DNAH8: variants seen among roughly 807,000 people sequenced by gnomAD.
DNAH8 encodes the protein dynein axonemal heavy chain 8, also known as axonemal beta dynein heavy chain 8.
In DNAH8, 382 loss-of-function variants were observed where a neutral mutation model predicts 562.1. The ratio of observed to expected loss-of-function variants is 0.68; its 90% CI spans 0.63 to 0.74. The LOEUF is 0.74. Ranked by LOEUF, DNAH8 falls within the 30% of genes least tolerant of loss-of-function variation. The pLI is 0.00. For synonymous variants in DNAH8, 1,881 were observed against 1,919.4 expected (o/e 0.98, Z 0.52); for missense variants, 5,203 against 5,620.4 (o/e 0.93, Z 2.37).
chr6:38,990,890 G>A (rs371403097), intron 88 of DNAH8, among the ~76,000 whole-genome samples: 2 of 152,198 alleles, frequency 1.3e-5, no homozygotes, highest in Admixed American at 6.5e-5. Context: ...GGAATGGACC[G>A]CATGTCCTCT....
At chr6:38,860,396 T>C in intron 42 of DNAH8, 61 bp from the exon 43 acceptor site, 6 of 992,102 alleles carry the variant, frequency 6.0e-6, no homozygotes, top group Non-Finnish European at 8.2e-6. Context: ...ACTGCCCACA[T>C]GCTTATGTTT....
intron 91 of DNAH8, among the ~76,000 whole-genome samples, chr6:39,024,772 T>C (rs1045848056): frequency 1.3e-5 from 2 of 152,250 alleles, no homozygotes; most frequent in African/African-American, 4.8e-5. Flanking sequence ...AAACTTCCAC[T>C]ACATTTCCTG....
intron 76 of DNAH8, among the ~76,000 whole-genome samples, 185 bp from the exon 77 acceptor site, chr6:38,935,407 A>T (rs1384260901): frequency 1.3e-5 from 2 of 152,194 alleles, no homozygotes; most frequent in South Asian, 2.1e-4. Flanking sequence ...GCATAATTTT[A>T]AAAAAATTTC....
At chr6:39,018,399 C>T (rs999151550) in intron 91 of DNAH8, among the ~76,000 whole-genome samples, 2 of 152,196 alleles carry the variant, frequency 1.3e-5, no homozygotes, top group African/African-American at 2.4e-5. Flanking sequence ...TGAAAACTCT[C>T]ATGCCTTGGT....
At chr6:38,947,171 C>T (rs1761500481) in intron 80 of DNAH8, among the ~76,000 whole-genome samples, 1 of 152,194 alleles carries the variant, frequency 6.6e-6, no homozygotes, top group Non-Finnish European at 1.5e-5. Context: ...CTTCCCATGC[C>T]ATCATGAGTT....
chr6:38,997,622 A>C (rs1478647371), intron 88 of DNAH8, among the ~76,000 whole-genome samples: 1 of 152,180 alleles, frequency 6.6e-6, no homozygotes, highest in East Asian at 1.9e-4. Flanking sequence ...GTGCAGAGAT[A>C]ACAGCTTCAG....
At chr6:38,794,445 G>A (rs1205273385) in intron 21 of DNAH8, among the ~76,000 whole-genome samples, 2 of 151,978 alleles carry the variant, frequency 1.3e-5, no homozygotes, top group African/African-American at 2.4e-5. Flanking sequence ...AATTTTAAGT[G>A]CACCATTCAA....
intron 91 of DNAH8, among the ~76,000 whole-genome samples, chr6:39,021,152 A>C (rs973491447): frequency 6.6e-6 from 1 of 152,176 alleles, no homozygotes; most frequent in African/African-American, 2.4e-5. Context: ...TGGTGGCAAT[A>C]AATTTTCTGA....
chr6:38,921,212 C>A (rs1322470164), intron 70 of DNAH8, among the ~76,000 whole-genome samples, 157 bp from the exon 71 acceptor site: 1 of 152,140 alleles, frequency 6.6e-6, no homozygotes. Context: ...TAATGAAATA[C>A]CCTCCAAGAC....
chr6:38,794,484 A>C (rs902609486), intron 21 of DNAH8, among the ~76,000 whole-genome samples: 2 of 152,226 alleles, frequency 1.3e-5, no homozygotes, highest in Admixed American at 1.3e-4. Context: ...ACACCCTTGT[A>C]ACTGTCTCCA....
chr6:38,882,906 A>G lies in DNAH8; in HGVS notation c.7859-4A>G, dbSNP rs760848402. Reference sequence around the variant, plus strand: ...ATTAAGATGAAATTTTACTTATTATATAGGTGATTGGGAGCACTGGAATAA... The same window carrying G: ...ATTAAGATGAAATTTTACTTATTATGTAGGTGATTGGGAGCACTGGAATAA... On this transcript the variant is annotated splice_polypyrimidine_tract_variant and splice_region_variant and intron_variant, in intron 53 of 92. Coordinates refer to ENST00000327475, the MANE Select transcript of DNAH8 (RefSeq NM_001206927.2). 2.6e-6 allele frequency: 4 copies of G among 1,554,012 alleles called. No homozygotes were observed. Among genetic ancestry groups the G allele is most frequent in the East Asian group, 2.3e-5 (1 of 43,138 alleles).
At position 38,896,226 on chromosome 6, in the gene DNAH8, G is replaced by T; in HGVS notation, c.8940+1G>T. On this transcript the variant is annotated splice_donor_variant, in intron 60 of 92. Coordinates refer to ENST00000327475, the MANE Select transcript of DNAH8 (RefSeq NM_001206927.2). LOFTEE classifies it high-confidence loss of function. ...TGAAGTACCCAAAATATATGAATTGGTATTTATTTTCATCTCTTAAAAGAG... is the reference window on the plus strand; with the variant it reads ...TGAAGTACCCAAAATATATGAATTGTTATTTATTTTCATCTCTTAAAAGAG... 1 of 1,610,366 alleles carries T rather than the reference G, an allele frequency of 6.2e-7. No homozygotes were observed. The highest frequency in any genetic ancestry group is 8.5e-7 in the Non-Finnish European group (1 of 1,177,480).
intron 88 of DNAH8, among the ~76,000 whole-genome samples, chr6:39,007,907 C>T (rs114092542): frequency 0.012 from 1,795 of 151,154 alleles, 33 homozygotes; most frequent in African/African-American, 0.04. Context: ...CAAACACATA[C>T]ACACACACAG....
intron 4 of DNAH8, among the ~76,000 whole-genome samples, chr6:38,732,151 A>G (rs1359349446): frequency 6.6e-6 from 1 of 152,200 alleles, no homozygotes; most frequent in Non-Finnish European, 1.5e-5. Context: ...CTGTGTCATT[A>G]CGTAAAGATT....
At position 38,815,613 on chromosome 6, in the gene DNAH8, A is replaced by G. The variant is rs1400825356; in HGVS notation, c.3479A>G (p.Asp1160Gly). The change falls in exon 26 of 93, where the codon GAC becomes GGC. Residue 1160 changes from aspartate (D) to glycine (G), a missense_variant. By Grantham distance (94) the Asp-to-Gly change is moderately conservative (BLOSUM62 -1). Transcript: ENST00000327475. ...GTCATTCCCAGCCCCACCACTACTG[A>G]CGTGACCCATCAAAACACAGGAAAA... ...KSVIPSPTTT[D>G]VTHQNTGKLL... 9.9e-6 allele frequency: 16 copies of G among 1,613,804 alleles called. No homozygotes were observed. In the East Asian group the frequency reaches 3.6e-4, roughly 36 times the overall value.
At chr6:38,805,349 G>A (rs557962191) in intron 22 of DNAH8, 132 bp from the exon 23 acceptor site, 21 of 615,348 alleles carry the variant, frequency 3.4e-5, no homozygotes, top group South Asian at 1.3e-4. Flanking sequence ...AATGCGAAAA[G>A]CATTTTTCAA....
At chr6:38,746,929 CA>C (rs1764992523) in intron 8 of DNAH8, among the ~76,000 whole-genome samples, 2 of 148,362 alleles carry the variant, frequency 1.3e-5, no homozygotes, top group Admixed American at 1.3e-4. Context: ...GACTCCATCT[CA>C]AAAAAGAAAA....
Position 38,926,214 on chromosome 6 carries a change from T to C in DNAH8, c.11118+4T>C, listed in dbSNP as rs754593000. The C allele has an allele frequency of 1.2e-5, 20 of 1,612,642 alleles. No individual in the cohort carries two copies. Among genetic ancestry groups the C allele is most frequent in the African/African-American group, 2.7e-5 (2 of 74,954 alleles). On this transcript the variant is annotated splice_donor_region_variant and intron_variant, in intron 74 of 92. Coordinates refer to ENST00000327475, the MANE Select transcript of DNAH8 (RefSeq NM_001206927.2). ...GGAAAAAGAAAATGATTTACAGGTATGTAGCATTTGGTGCAGGGGAAAGTA... is the reference window on the plus strand; with the variant it reads ...GGAAAAAGAAAATGATTTACAGGTACGTAGCATTTGGTGCAGGGGAAAGTA...
At chr6:38,929,855 T>C (rs897384749) in intron 75 of DNAH8, among the ~76,000 whole-genome samples, 189 bp downstream of exon 75, 1 of 152,186 alleles carries the variant, frequency 6.6e-6, no homozygotes, top group African/African-American at 2.4e-5. Flanking sequence ...ATTTCCAGAC[T>C]GATACTTCAG....
Sources: allele counts gnomAD v4.1 joint callset (sites outside exome capture counted in the v4.1 genomes callset), GRCh38; gene constraint gnomAD v4.1.1; transcripts MANE v1.5; gene names NCBI Gene and HGNC (gene_info 2026-07-23, HGNC 2026-07-21).